ANK3: variants seen among roughly 807,000 people sequenced by gnomAD.
ANK3 encodes the protein ankyrin 3.
Under a neutral mutation model 370.9 loss-of-function variants are expected in ANK3, and 57 were observed. The ratio of observed to expected loss-of-function variants is 0.15; its 90% confidence interval spans 0.12 to 0.19. The LOEUF (loss-of-function observed/expected upper bound fraction) is 0.19, where lower values mean the gene tolerates loss of function less well. Ranked by LOEUF, ANK3 falls within the 10% of genes least tolerant of loss-of-function variation. The pLI is 1.00. For missense variants in ANK3, 4,439 were observed against 5,302.1 expected, an observed-to-expected ratio of 0.84 and a Z score of 5.06; for synonymous variants, 1,929 against 1,946.3, an observed-to-expected ratio of 0.99 and a Z score of 0.23.
intron 25 of ANK3, among the ~76,000 whole-genome samples, chr10:60,129,270 C>T (rs575269207): frequency 4.6e-4 from 70 of 152,296 alleles, no homozygotes; most frequent in Admixed American, 1.8e-3. Flanking sequence ...CCCAAGAACC[C>T]AGACATGGAA....
At chr10:60,246,551 T>C (rs1486723125) in intron 7 of ANK3, among the ~76,000 whole-genome samples, 2 of 152,124 alleles carry the variant, frequency 1.3e-5, no homozygotes, top group Non-Finnish European at 2.9e-5. Context: ...GACCAACTAA[T>C]CCCATTTGAT....
At chr10:60,388,340 T>C (rs1566979407) in intron 1 of ANK3, among the ~76,000 whole-genome samples, 1 of 152,138 alleles carries the variant, frequency 6.6e-6, no homozygotes, top group Admixed American at 6.5e-5. Context: ...ATGGCAAAGG[T>C]ACCAGGAATA....
At chr10:60,639,481 T>A (rs910520827) in intron 1 of ANK3, among the ~76,000 whole-genome samples, 2 of 151,368 alleles carry the variant, frequency 1.3e-5, no homozygotes, top group African/African-American at 4.8e-5. Context: ...TATATATTTA[T>A]ATTTTAAGTT....
chr10:60,514,244 A>C (rs879111123), intron 2 of ANK3, among the ~76,000 whole-genome samples: 3 of 152,078 alleles, frequency 2.0e-5, no homozygotes, highest in Admixed American at 1.3e-4. Context: ...AATTATACAC[A>C]AGAGTTTTTA....
chr10:60,394,776 A>G (rs1303723005), upstream of ANK3, among the ~76,000 whole-genome samples: 1 of 152,212 alleles, frequency 6.6e-6, no homozygotes, highest in Non-Finnish European at 1.5e-5. Flanking sequence ...GATGAACCAC[A>G]TGCCACTTCC....
chr10:60,596,176 A>G (rs1485482046), intron 2 of ANK3, among the ~76,000 whole-genome samples: 2 of 152,148 alleles, frequency 1.3e-5, no homozygotes, highest in African/African-American at 4.8e-5. Flanking sequence ...CACTTCTGGG[A>G]TTGTCAGTTT....
intron 2 of ANK3, among the ~76,000 whole-genome samples, chr10:60,579,499 T>A (rs929847419): frequency 6.6e-6 from 1 of 152,060 alleles, no homozygotes; most frequent in Non-Finnish European, 1.5e-5. Context: ...GCCTTATTTG[T>A]ACCCTCACCT....
rs1555395928 is a variant in ANK3 at position 60,601,173 on chromosome 10, G to GCGCACA, written c.96+14012_96+14013insTGTGCG. Among the ~76,000 whole-genome samples, 5 of 147,722 alleles carry GCGCACA rather than the reference G, an allele frequency of 3.4e-5. No homozygotes were observed. In the East Asian group the frequency reaches 6.0e-4, roughly 18 times the overall value. On this transcript the variant is annotated intron_variant, in intron 2 of 43. Transcript: ENST00000373827. ...CAAAGTCATTAAACATTTATACAAC[G>GCGCACA]CACACACACACACACACACACACAT...
At chr10:60,701,009 T>C (rs2079538304) in intron 1 of ANK3, among the ~76,000 whole-genome samples, 1 of 151,934 alleles carries the variant, frequency 6.6e-6, no homozygotes, top group Non-Finnish European at 1.5e-5. Context: ...CTGGTAAAAA[T>C]ATGATTTACA....
rs138379483 is a variant in ANK3 at position 60,726,229 on chromosome 10, CAGTT to C, written c.57+7030_57+7033del. 8.3e-3 allele frequency among the ~76,000 whole-genome samples: 1,257 copies of C among 152,200 alleles called. 6 individuals carry two copies. Among genetic ancestry groups the C allele is most frequent in the Non-Finnish European group, 0.014 (949 of 67,996 alleles). ...TCCTTCATATAAAAAAAAACAGACACAGTTAGGTGATTTGCCAAGTCAAGCAATT... is the reference window on the plus strand; with the variant it reads ...TCCTTCATATAAAAAAAAACAGACACAGGTGATTTGCCAAGTCAAGCAATT... On this transcript the variant is annotated intron_variant, in intron 1 of 43. Transcript: ENST00000373827.
chr10:60,114,171 T>C (rs2092922025), intron 26 of ANK3, 54 bp downstream of exon 26: 2 of 976,586 alleles, frequency 2.0e-6, no homozygotes, highest in African/African-American at 1.6e-5. Context: ...CTCTAAGTAA[T>C]AAATGCACTG....
chr10:60,484,686 C>T (rs1292335752), intron 2 of ANK3, among the ~76,000 whole-genome samples: 1 of 152,148 alleles, frequency 6.6e-6, no homozygotes, highest in Non-Finnish European at 1.5e-5. Context: ...ATGATGGACT[C>T]AGCATTACTA....
At position 60,120,818 on chromosome 10, in the gene ANK3, T is replaced by C. The variant is rs140283471; in HGVS notation, c.2842-6487A>G. Among the ~76,000 whole-genome samples, 3 of 152,224 alleles carry C rather than the reference T, an allele frequency of 2.0e-5. No homozygotes were observed. In the East Asian group the frequency reaches 5.8e-4, roughly 29 times the overall value. On this transcript the variant is annotated intron_variant, in intron 25 of 43. Transcript: ENST00000280772. The stretch of plus-strand genomic sequence containing the variant: ...TAGCTTTTATCCAGAAGTTAGGCAA[T>C]AACAAATTCTAACCAGGATTTGGAG...
At chr10:60,087,926 C>G (rs1054521118) in intron 29 of ANK3, among the ~76,000 whole-genome samples, 8 of 152,172 alleles carry the variant, frequency 5.3e-5, no homozygotes, top group Non-Finnish European at 1.2e-4. Flanking sequence ...CAGAAACCAA[C>G]TGAGACTTTT....
At chr10:60,043,512 ATTCT>A in intron 42 of ANK3, 4 of 985,444 alleles carry the variant, frequency 4.1e-6, no homozygotes, top group Non-Finnish European at 4.8e-6. Flanking sequence ...GACTGGAGGG[ATTCT>A]TTAACTGGCA....
intron 2 of ANK3, among the ~76,000 whole-genome samples, chr10:60,415,473 C>T (rs1016731770): frequency 6.6e-6 from 1 of 152,104 alleles, no homozygotes; most frequent in African/African-American, 2.4e-5. Flanking sequence ...CCTGCTGCAA[C>T]CCGAGTGTCC....
intron 27 of ANK3, 54 bp from the exon 28 acceptor site, chr10:60,106,113 C>G: frequency 6.9e-7 from 1 of 1,458,646 alleles, no homozygotes; most frequent in South Asian, 1.4e-5. Flanking sequence ...TTTATAGTAT[C>G]ATACTTAAAA....
Position 60,134,345 on chromosome 10 carries a change from A to G in ANK3, c.2767T>C (p.Tyr923His), listed in dbSNP as rs1171896113. The change falls in exon 25 of 44, where the codon TAC (tyrosine) becomes CAC (histidine). Residue 923 changes from tyrosine (Y) to histidine (H), a missense_variant. Physicochemically the swap from Tyr to His is moderately conservative, Grantham distance 83. Transcript: ENST00000280772. The stretch of plus-strand genomic sequence containing the variant: ...GCATAGGAGCTTCTGTTCAAGGTGT[A>G]AGACCTATCCGAACTGAAGGAGCGG... ...SLRSFSSDRS[Y>H]TLNRSSYARD... 6 of 1,613,820 alleles carry G rather than the reference A, an allele frequency of 3.7e-6. No individual in the cohort carries two copies. The highest frequency in any genetic ancestry group is 4.2e-6 in the Non-Finnish European group (5 of 1,179,874).
At chr10:60,371,130 G>A (rs528679483) in intron 1 of ANK3, among the ~76,000 whole-genome samples, 1 of 151,902 alleles carries the variant, frequency 6.6e-6, no homozygotes, top group East Asian at 1.9e-4. Flanking sequence ...TACAATATCT[G>A]CCACACTTCT....
Sources: gnomAD v4.1 joint callset for allele counts (sites outside exome capture counted in the v4.1 genomes callset) on GRCh38, gnomAD v4.1.1 for gene constraint, MANE v1.5 for transcripts, NCBI Gene and HGNC (gene_info 2026-07-23, HGNC 2026-07-21) for gene names.